The following TPRG1 variants were observed in gnomAD, a reference collection of about 807,000 sequenced individuals.
The protein encoded by TPRG1 is tumor protein p63-regulated gene 1 protein.
A neutral mutation model predicts 29.3 loss-of-function variants in TPRG1; 29 were observed. That is an observed-to-expected ratio of 0.99 (90% confidence interval 0.74 to 1.35). TPRG1 has a LOEUF of 1.35. Among genes scored for constraint, TPRG1 ranks in the 40% most tolerant of loss-of-function variants. The pLI is 0.00. For synonymous variants in TPRG1, 130 were observed against 116.8 expected (o/e 1.11, Z -0.73); for missense variants, 327 against 335.0 (o/e 0.98, Z 0.19).
At chr3:189,290,984 G>A (rs1718904140) in intron 4 of TPRG1, among the ~76,000 whole-genome samples, 1 of 152,080 alleles carries the variant, frequency 6.6e-6, no homozygotes, top group East Asian at 1.9e-4. Context: ...CTCACTGCAA[G>A]CTCCGCCTCC....
rs34279364 is a variant in TPRG1, at chr3:189,321,276, C to CA, written c.*457dup. On this transcript the variant is annotated 3_prime_UTR_variant, in exon 6 of 6. Transcript: ENST00000345063. Reference sequence around the variant, plus strand: ...AGGATGACTTCCAAATTTATATTCCCATTCCCAATATTTATTCCAAGACTC... The same window carrying CA: ...AGGATGACTTCCAAATTTATATTCCCAATTCCCAATATTTATTCCAAGACTC... The CA allele has an allele frequency of 0.24, 36,192 of 151,642 alleles. 4,577 individuals are homozygous for CA. Among genetic ancestry groups the CA allele is most frequent in the East Asian group, 0.31 (1,593 of 5,118 alleles). The allele number at this position is 151,642 out of a possible 1,614,324, so 9.4% of individuals were successfully genotyped here.
At chr3:189,014,003 A>G (rs969480482) in intron 3 of TPRG1, among the ~76,000 whole-genome samples, 5 of 152,050 alleles carry the variant, frequency 3.3e-5, no homozygotes, top group Admixed American at 3.3e-4. Context: ...GTCTTCTTAC[A>G]TTTAAGGTTA....
In TPRG1 at chr3:189,324,339, G is replaced by C. The variant is rs933771662; in HGVS notation, c.*3519G>C. 1 of 152,098 alleles carries C rather than the reference G, an allele frequency of 6.6e-6. No homozygotes were observed. The allele number at this position is 152,098 out of a possible 1,614,324, so 9.4% of individuals were successfully genotyped here. The stretch of plus-strand genomic sequence containing the variant: ...TGAACTTTTGGAAATACTGAGATTA[G>C]ACTACATTTTCCAATTTCTATCCCT... On this transcript the variant is annotated 3_prime_UTR_variant, in exon 6 of 6. Transcript: ENST00000345063.
intron 3 of TPRG1, among the ~76,000 whole-genome samples, chr3:189,023,562 T>C (rs1293688746): frequency 6.6e-6 from 1 of 152,216 alleles, no homozygotes; most frequent in Non-Finnish European, 1.5e-5. Flanking sequence ...TGCAGTCATT[T>C]GGAGGAAAGG....
chr3:189,216,987 T>C (rs1217757224), intron 3 of TPRG1, among the ~76,000 whole-genome samples: 1 of 152,250 alleles, frequency 6.6e-6, no homozygotes, highest in Non-Finnish European at 1.5e-5. Context: ...TTTCTAAATC[T>C]AGTCAAGGCT....
intron 2 of TPRG1, among the ~76,000 whole-genome samples, chr3:189,128,889 C>A (rs1267926472): frequency 2.0e-5 from 3 of 152,214 alleles, no homozygotes; most frequent in Non-Finnish European, 4.4e-5. Flanking sequence ...TCTGCCTCAG[C>A]CTCCTGAGTA....
chr3:189,114,654 C>T (rs1720960825), intron 1 of TPRG1, among the ~76,000 whole-genome samples: 1 of 152,102 alleles, frequency 6.6e-6, no homozygotes, highest in South Asian at 2.1e-4. Flanking sequence ...TTTGCCCAGC[C>T]ACAAGGAAGA....
At chr3:189,116,220 C>T (rs1414564767) in intron 1 of TPRG1, among the ~76,000 whole-genome samples, 2 of 152,148 alleles carry the variant, frequency 1.3e-5, no homozygotes, top group African/African-American at 4.8e-5. Context: ...CTCTGTCACC[C>T]AGGCTGGTGT....
At chr3:189,018,081 GT>G (rs1166619479) in intron 3 of TPRG1, among the ~76,000 whole-genome samples, 9 of 152,064 alleles carry the variant, frequency 5.9e-5, no homozygotes, top group African/African-American at 1.4e-4. Flanking sequence ...GGGGTTGTTT[GT>G]TTTTTTCTCG....
chr3:189,143,424 G>A (rs2108574634), intron 3 of TPRG1, among the ~76,000 whole-genome samples: 1 of 152,328 alleles, frequency 6.6e-6, no homozygotes, highest in East Asian at 1.9e-4. Context: ...GAAGATGGTT[G>A]TCTGAGAAAA....
At chr3:189,186,711 A>C (rs560340406) in intron 1 of TPRG1, among the ~76,000 whole-genome samples, 1 of 152,154 alleles carries the variant, frequency 6.6e-6, no homozygotes, top group Non-Finnish European at 1.5e-5. Flanking sequence ...ATTAGAGAGA[A>C]AATTGAGATG....
At chr3:189,187,229 C>A (rs924880767) in intron 1 of TPRG1, among the ~76,000 whole-genome samples, 1 of 152,006 alleles carries the variant, frequency 6.6e-6, no homozygotes, top group Non-Finnish European at 1.5e-5. Context: ...CTCCAGCGAG[C>A]CTCCTATCTC....
chr3:189,294,416 C>A (rs1315257870), intron 4 of TPRG1, among the ~76,000 whole-genome samples: 1 of 152,034 alleles, frequency 6.6e-6, no homozygotes, highest in Non-Finnish European at 1.5e-5. Flanking sequence ...GTGCTCGGGG[C>A]CCACTTTGCT....
Position 189,136,233 on chromosome 3 carries a change from G to C in TPRG1, c.-291+3536G>C, listed in dbSNP as rs150605241. On this transcript the variant is annotated intron_variant, in intron 3 of 6. Coordinates refer to the TPRG1 transcript ENST00000412373. ...CTTCCACCATGATTCCCTGTGTCCT[G>C]GTGGAGGGTGTATGCTGGGGCATGA... is the stretch of plus-strand genomic sequence containing the variant. Among the ~76,000 whole-genome samples, 226 of 152,268 alleles carry C rather than the reference G, an allele frequency of 1.5e-3. 1 individual carries two copies. Among genetic ancestry groups the C allele is most frequent in the African/African-American group, 5.2e-3 (217 of 41,554 alleles).
At chr3:189,110,174 T>A (rs1720334653) in intron 1 of TPRG1, among the ~76,000 whole-genome samples, 1 of 152,208 alleles carries the variant, frequency 6.6e-6, no homozygotes, top group South Asian at 2.1e-4. Flanking sequence ...TTTAACTTGG[T>A]AAGATTCTGC....
At chr3:189,040,735 T>G (rs1714581019) in intron 4 of TPRG1, among the ~76,000 whole-genome samples, 1 of 152,162 alleles carries the variant, frequency 6.6e-6, no homozygotes, top group Non-Finnish European at 1.5e-5. Context: ...ACTCTCAAAG[T>G]CTTAAAGAAA....
chr3:189,113,978 A>G (rs1415902325), intron 1 of TPRG1, among the ~76,000 whole-genome samples: 2 of 152,136 alleles, frequency 1.3e-5, no homozygotes, highest in African/African-American at 2.4e-5. Context: ...TTATTGGAGA[A>G]TTTGTGTAGA....
intron 4 of TPRG1, among the ~76,000 whole-genome samples, chr3:189,250,274 T>C (rs2108995451): frequency 6.6e-6 from 1 of 152,310 alleles, no homozygotes; most frequent in East Asian, 1.9e-4. Context: ...TAGTTGTTTA[T>C]GTACTGCTCA....
chr3:189,257,653 A>C (rs1288918701), intron 4 of TPRG1, among the ~76,000 whole-genome samples: 1 of 152,190 alleles, frequency 6.6e-6, no homozygotes, highest in Non-Finnish European at 1.5e-5. Context: ...AATCAAATGT[A>C]GATTTGGTCT....
Sources: gnomAD v4.1 joint callset for allele counts (sites outside exome capture counted in the v4.1 genomes callset) on GRCh38, gnomAD v4.1.1 for gene constraint, MANE v1.5 for transcripts, NCBI Gene and HGNC (gene_info 2026-07-23, HGNC 2026-07-21) for gene names.